DHCR24: variants seen among roughly 807,000 people sequenced by gnomAD.
DHCR24 encodes the protein 24-dehydrocholesterol reductase, also known as delta(24)-sterol reductase.
In DHCR24, 28 loss-of-function variants were observed where a neutral mutation model predicts 61.2. The ratio of observed to expected loss-of-function variants is 0.46; its 90% confidence interval spans 0.34 to 0.63. DHCR24 has a LOEUF of 0.63. Ranked by LOEUF, DHCR24 falls within the 20% of genes least tolerant of loss-of-function variation. DHCR24 has a pLI of 0.01. For missense variants in DHCR24, 538 were observed against 679.1 expected (o/e 0.79, Z 2.31); for synonymous variants, 261 against 275.9 (o/e 0.95, Z 0.54).
intron 6 of DHCR24, among the ~76,000 whole-genome samples, chr1:54,858,138 G>A (rs150669030): frequency 1.3e-5 from 2 of 152,368 alleles, no homozygotes; most frequent in African/African-American, 4.8e-5. Context: ...GATGCTGCGC[G>A]CAGATGCCCG....
intron 6 of DHCR24, 135 bp from the exon 7 acceptor site, chr1:54,854,369 G>C (rs1181664475): frequency 4.2e-6 from 3 of 709,898 alleles, no homozygotes; most frequent in Non-Finnish European, 7.1e-6. Context: ...CTCTTTGGAG[G>C]GGGTGTGATG....
At chr1:54,865,467 G>A (rs750108919) in intron 5 of DHCR24, 21 bp from the exon 6 acceptor site, 92 of 1,613,714 alleles carry the variant, frequency 5.7e-5, no homozygotes, top group Middle Eastern at 1.6e-4. Flanking sequence ...AGAGGGCATT[G>A]TGATCAGCCT....
intron 4 of DHCR24, among the ~76,000 whole-genome samples, chr1:54,873,547 T>G (rs1048117775): frequency 8.5e-5 from 13 of 152,172 alleles, no homozygotes; most frequent in African/African-American, 3.1e-4. Flanking sequence ...CAGCTCCATG[T>G]GTGTTATTGC....
In DHCR24 at chr1:54,883,494, T is replaced by G; in HGVS notation, c.387+124A>C. 8.3e-7 allele frequency: 1 copy of G among 1,201,748 alleles called. No homozygotes were observed. The highest frequency in any genetic ancestry group is 1.2e-6 in the Non-Finnish European group (1 of 810,728). The allele number at this position is 1,201,748 out of a possible 1,614,324, so 74.4% of individuals were successfully genotyped here. On this transcript the variant is annotated intron_variant, in intron 2 of 8. Coordinates refer to ENST00000371269, the MANE Select transcript of DHCR24 (RefSeq NM_014762.4). The surrounding 1 kb of genome is among the most constrained non-coding windows in gnomAD (Gnocchi z 4.3). ...CAGCAATGGCAGGGAGTATCTTCTA[T>G]GACTGTGGGCATTGGTCCTGTCCAC... is the stretch of plus-strand genomic sequence containing the variant.
rs1646998860 is a variant in DHCR24, at chr1:54,871,381, CCT to C, written c.843_844del (p.Val283HisfsTer4). The stretch of plus-strand genomic sequence containing the variant: ...GGGCTCTGCCTCATCTGTCATGACC[CCT>C]GTCATAATGACAGCCTCATCCAGGG... On this transcript the variant is annotated frameshift_variant, in exon 5 of 9. Transcript: ENST00000371269. LOFTEE classifies it high-confidence loss of function. 2 of 1,614,104 alleles carry C rather than the reference CCT, an allele frequency of 1.2e-6. No homozygotes were observed. The highest frequency in any genetic ancestry group is 1.7e-6 in the Non-Finnish European group (2 of 1,180,018).
intron 2 of DHCR24, among the ~76,000 whole-genome samples, chr1:54,879,794 A>G (rs1263681814): frequency 6.6e-6 from 1 of 152,200 alleles, no homozygotes; most frequent in African/African-American, 2.4e-5. Context: ...AGGGAAATCA[A>G]AGTATTCTGA....
Position 54,883,523 on chromosome 1 carries a change from G to T in DHCR24, c.387+95C>A. 6.8e-7 allele frequency: 1 copy of T among 1,472,454 alleles called. No homozygotes were observed. Among genetic ancestry groups the T allele is most frequent in the Non-Finnish European group, 9.5e-7 (1 of 1,053,512 alleles). 91.2% of individuals were successfully genotyped at this position (1,472,454 alleles called of 1,614,324 possible). A position where few individuals can be genotyped will look rare whatever the true frequency, so the allele number is the denominator to read the frequency against. On this transcript the variant is annotated intron_variant, in intron 2 of 8. Transcript: ENST00000371269. This position sits in a 1 kb window ranked among gnomAD's most constrained non-coding sequence, Gnocchi z 4.3. ...TGTGGGCATTGGTCCTGTCCACTCT[G>T]CAATGCCCTTGGCTAAAATCATCTC...
chr1:54,870,290 ACGTAAGTGGTTACACCCTGG>A (rs544135815), intron 5 of DHCR24, among the ~76,000 whole-genome samples: 116 of 152,304 alleles, frequency 7.6e-4, no homozygotes, highest in African/African-American at 2.5e-3. Context: ...AAACTGTTAT[ACGTAAGTGGTTACACCCTGG>A]CGTAAAGAGA....
chr1:54,873,562 G>T (rs991306164), intron 4 of DHCR24, among the ~76,000 whole-genome samples: 1 of 152,190 alleles, frequency 6.6e-6, no homozygotes, highest in African/African-American at 2.4e-5. Flanking sequence ...TATTGCCCCT[G>T]AAGACTTTCC....
Position 54,887,090 on chromosome 1 carries a change from G to A in DHCR24, c.30C>T (p.Cys10=), listed in dbSNP as rs769236910. The change falls in exon 1 of 9, where the codon TGC becomes TGT. Residue 10 remains cysteine (C), a synonymous_variant. Coordinates refer to ENST00000371269, the MANE Select transcript of DHCR24 (RefSeq NM_014762.4). MEPAVSLAV[C]ALLFLLWVRL... ...GCACCCACAGCAGGAAGAGCAGCGC[G>A]CACACGGCCAGCGACACGGCGGGCT... The A allele has an allele frequency of 7.7e-5, 123 of 1,601,834 alleles. No homozygotes were observed. The highest frequency in any genetic ancestry group is 9.7e-5 in the Non-Finnish European group (114 of 1,174,690).
At chr1:54,854,979 C>T (rs540392662) in intron 6 of DHCR24, among the ~76,000 whole-genome samples, 1 of 152,158 alleles carries the variant, frequency 6.6e-6, no homozygotes, top group Non-Finnish European at 1.5e-5. Flanking sequence ...GACTTTGGCC[C>T]CTGGGTCACA....
chr1:54,865,518 C>T, intron 5 of DHCR24, 72 bp from the exon 6 acceptor site: 2 of 1,598,890 alleles, frequency 1.3e-6, no homozygotes, highest in Non-Finnish European at 1.7e-6. Context: ...AACAGCGACA[C>T]CCGGCTTCTG....
intron 2 of DHCR24, among the ~76,000 whole-genome samples, chr1:54,879,037 C>T (rs529132140): frequency 1.3e-5 from 2 of 152,166 alleles, no homozygotes; most frequent in African/African-American, 2.4e-5. Context: ...TAAAAAGATC[C>T]GGCCAGGTGC....
At chr1:54,853,103 C>G (rs1459387137) in intron 8 of DHCR24, among the ~76,000 whole-genome samples, 6 of 152,142 alleles carry the variant, frequency 3.9e-5, no homozygotes, top group African/African-American at 1.4e-4. Context: ...GCAGTTGCCC[C>G]TGGACCCAGC....
chr1:54,874,141 G>A (rs1272249794), intron 4 of DHCR24, among the ~76,000 whole-genome samples: 2 of 152,220 alleles, frequency 1.3e-5, no homozygotes, highest in African/African-American at 2.4e-5. Context: ...AAATGTTATA[G>A]TAAGCTAACA....
chr1:54,865,376 CG>C lies in DHCR24; in HGVS notation c.946del (p.Arg316GlufsTer9). 6.2e-7 allele frequency: 1 copy of C among 1,614,176 alleles called. No homozygotes were observed. The highest frequency in any genetic ancestry group is 8.5e-7 in the Non-Finnish European group (1 of 1,180,032). Reference protein sequence around the residue: ...KHVENYLKTNREGLEYIPLRH... With the variant: ...KHVENYLKTNXEGLEYIPLRH... ...CAAGGGAATGTACTCCAGGCCCTCTCGGTTTGTCTTCAGATAGTTCTCCACA... is the reference window on the plus strand; with the variant it reads ...CAAGGGAATGTACTCCAGGCCCTCTCGTTTGTCTTCAGATAGTTCTCCACA... On this transcript the variant is annotated frameshift_variant, in exon 6 of 9. Coordinates refer to ENST00000371269, the MANE Select transcript of DHCR24 (RefSeq NM_014762.4). LOFTEE classifies it high-confidence loss of function.
intron 6 of DHCR24, among the ~76,000 whole-genome samples, chr1:54,859,098 G>A (rs1330015169): frequency 2.0e-5 from 3 of 152,190 alleles, no homozygotes; most frequent in African/African-American, 7.2e-5. Flanking sequence ...GGTCATAAAA[G>A]GCACTGCAGA....
intron 4 of DHCR24, among the ~76,000 whole-genome samples, chr1:54,872,564 G>A (rs1396759828): frequency 6.6e-6 from 1 of 152,054 alleles, no homozygotes; most frequent in Non-Finnish European, 1.5e-5. Flanking sequence ...GCAGCACTAC[G>A]CTCACCAATT....
chr1:54,869,666 C>A (rs770069067), intron 5 of DHCR24, among the ~76,000 whole-genome samples: 1 of 151,950 alleles, frequency 6.6e-6, no homozygotes, highest in Non-Finnish European at 1.5e-5. Context: ...CTTTGGGAGG[C>A]TGAGGTGGGA....
Sources: allele counts gnomAD v4.1 joint callset (sites outside exome capture counted in the v4.1 genomes callset), GRCh38; gene constraint gnomAD v4.1.1; non-coding constraint Gnocchi (gnomAD v3.1); transcripts MANE v1.5; gene names NCBI Gene and HGNC (gene_info 2026-07-23, HGNC 2026-07-21).